Variants in YPEL2 observed in about 807,000 individuals in gnomAD.
The protein encoded by YPEL2 is yippee like 2.
In YPEL2, 2 loss-of-function variants were observed where a neutral mutation model predicts 19.1. The ratio of observed to expected loss-of-function variants is 0.10; its 90% CI spans 0.04 to 0.33. The LOEUF (loss-of-function observed/expected upper bound fraction) is 0.33, where lower values mean the gene tolerates loss of function less well. Ranked by LOEUF, YPEL2 falls within the 10% of genes least tolerant of loss-of-function variation. The pLI, the probability that YPEL2 is intolerant of heterozygous loss-of-function variation, is 1.00. For missense variants in YPEL2, 66 were observed against 140.7 expected (o/e 0.47, Z 2.68); for synonymous variants, 52 against 50.0 (o/e 1.04, Z -0.17).
intron 2 of YPEL2, among the ~76,000 whole-genome samples, chr17:59,373,762 T>C (rs1430971735): frequency 2.6e-5 from 4 of 152,222 alleles, no homozygotes; most frequent in African/African-American, 9.7e-5. Flanking sequence ...CAAAGCTGTT[T>C]TGCTCAGGAG....
chr17:59,383,687 A>G (rs1426241875), intron 2 of YPEL2, among the ~76,000 whole-genome samples: 1 of 126,164 alleles, frequency 7.9e-6, no homozygotes, highest in African/African-American at 2.9e-5. Flanking sequence ...CTTTTGTTAT[A>G]GGGCCTAAGA....
chr17:59,382,135 T>C (rs1016213064), intron 2 of YPEL2, among the ~76,000 whole-genome samples: 4 of 152,228 alleles, frequency 2.6e-5, no homozygotes, highest in Non-Finnish European at 5.9e-5. Context: ...TCCAGAACTC[T>C]GCCTCAAAAA....
In YPEL2 at chr17:59,353,479, A is replaced by T. The variant is rs1410834112; in HGVS notation, c.70A>T (p.Ile24Phe). The change falls in exon 2 of 5, where the codon ATT (isoleucine) becomes TTT (phenylalanine). Residue 24 changes from isoleucine (I) to phenylalanine (F), a missense_variant. By Grantham distance (21) the Ile-to-Phe change is conservative. Coordinates refer to ENST00000312655, the MANE Select transcript of YPEL2 (RefSeq NM_001005404.4). This position sits in a 1 kb window ranked among gnomAD's most constrained non-coding sequence, Gnocchi z 4.8. ...LPSCHRTYSC[I>F]HCRAHLANHD... ...CTCCTGCCACCGGACCTACAGCTGC[A>T]TTCACTGCAGAGCTCACTTGGCCAA... The T allele has an allele frequency of 6.2e-7, 1 of 1,613,968 alleles. No homozygotes were observed. Among genetic ancestry groups the T allele is most frequent in the African/African-American group, 1.3e-5 (1 of 74,940 alleles).
At chr17:59,364,700 C>T (rs1567745243) in intron 2 of YPEL2, among the ~76,000 whole-genome samples, 1 of 151,628 alleles carries the variant, frequency 6.6e-6, no homozygotes, top group African/African-American at 2.4e-5. Flanking sequence ...TCACTGCAAC[C>T]TCCACCTCCC....
At chr17:59,333,626 C>T (rs73323175) in intron 1 of YPEL2, among the ~76,000 whole-genome samples, 2,631 of 151,970 alleles carry the variant, frequency 0.017, 100 homozygotes, top group African/African-American at 0.06. Context: ...TTTTCTACTT[C>T]ATTTAAAAAA....
intron 2 of YPEL2, among the ~76,000 whole-genome samples, chr17:59,371,837 A>G (rs1427683782): frequency 6.6e-6 from 1 of 152,168 alleles, no homozygotes; most frequent in African/African-American, 2.4e-5. Flanking sequence ...TACCTTTCTA[A>G]AGTGATAAAT....
At chr17:59,365,069 A>G (rs962542419) in intron 2 of YPEL2, among the ~76,000 whole-genome samples, 71 of 152,208 alleles carry the variant, frequency 4.7e-4, no homozygotes, top group Non-Finnish European at 1.8e-4. Context: ...TAAGTGCTCA[A>G]TAAATGTTGG....
chr17:59,369,873 C>T (rs1191767085), intron 2 of YPEL2, among the ~76,000 whole-genome samples: 2 of 152,188 alleles, frequency 1.3e-5, no homozygotes, highest in Non-Finnish European at 2.9e-5. Context: ...CATCATTTTA[C>T]TGGGTGTCTA....
At chr17:59,333,033 CAAG>C (rs966407544) in intron 1 of YPEL2, among the ~76,000 whole-genome samples, 1 of 152,214 alleles carries the variant, frequency 6.6e-6, no homozygotes, top group African/African-American at 2.4e-5. Flanking sequence ...ATTAAAGATG[CAAG>C]AAGTTCAGTA....
At chr17:59,390,306 A>G (rs960326576) in intron 4 of YPEL2, among the ~76,000 whole-genome samples, 2 of 152,076 alleles carry the variant, frequency 1.3e-5, no homozygotes, top group Non-Finnish European at 2.9e-5. Flanking sequence ...CTGGCCAACA[A>G]ATTTATTTCT....
chr17:59,349,810 G>A lies in YPEL2; in HGVS notation c.-195-3405G>A, dbSNP rs947190739. On this transcript the variant is annotated intron_variant, in intron 1 of 4. Transcript: ENST00000312655. ...TGAGTAGCTGGGACTACAGGCACAC[G>A]CCACCATGCCCGGCTAATTTTTGTA... is the stretch of plus-strand genomic sequence containing the variant. 5.3e-5 allele frequency among the ~76,000 whole-genome samples: 8 copies of A among 152,052 alleles called. No homozygotes were observed. In the South Asian group the frequency reaches 6.2e-4, roughly 12 times the overall value.
intron 1 of YPEL2, among the ~76,000 whole-genome samples, chr17:59,335,375 C>T (rs939377689): frequency 6.6e-6 from 1 of 152,146 alleles, no homozygotes; most frequent in African/African-American, 2.4e-5. Context: ...GTAGGCACCA[C>T]ACGGCTTGTC....
chr17:59,363,759 A>C (rs2047853922), intron 2 of YPEL2, among the ~76,000 whole-genome samples: 1 of 152,256 alleles, frequency 6.6e-6, no homozygotes, highest in Non-Finnish European at 1.5e-5. Flanking sequence ...AGATGGGTTC[A>C]GATTCAGATC....
At chr17:59,359,651 A>G (rs1231384642) in intron 2 of YPEL2, among the ~76,000 whole-genome samples, 2 of 152,254 alleles carry the variant, frequency 1.3e-5, no homozygotes, top group African/African-American at 2.4e-5. Flanking sequence ...TTCAGTGGAT[A>G]TATGACATAA....
chr17:59,380,272 CTTTTTTTTT>C (rs548409762), intron 2 of YPEL2, among the ~76,000 whole-genome samples: 2 of 106,426 alleles, frequency 1.9e-5, no homozygotes, highest in Non-Finnish European at 3.6e-5. Context: ...TATCTAACTT[CTTTTTTTTT>C]TTTTTTTTTT....
chr17:59,348,409 C>G (rs1055502217), intron 1 of YPEL2, among the ~76,000 whole-genome samples: 5 of 152,222 alleles, frequency 3.3e-5, no homozygotes, highest in Admixed American at 6.5e-5. Context: ...CCCCTCCATC[C>G]TGGTGGCACT....
intron 1 of YPEL2, among the ~76,000 whole-genome samples, chr17:59,332,614 T>C (rs561750306): frequency 6.6e-6 from 1 of 151,696 alleles, no homozygotes; most frequent in African/African-American, 2.4e-5. Flanking sequence ...TCTCCGGTCT[T>C]GGGGGCGTGC....
At chr17:59,376,027 A>C (rs1283643621) in intron 2 of YPEL2, among the ~76,000 whole-genome samples, 1 of 152,186 alleles carries the variant, frequency 6.6e-6, no homozygotes, top group Non-Finnish European at 1.5e-5. Context: ...TGGAGGTTTT[A>C]TCAGTTCACA....
chr17:59,369,459 C>T (rs1487450112), intron 2 of YPEL2, among the ~76,000 whole-genome samples: 1 of 152,096 alleles, frequency 6.6e-6, no homozygotes, highest in Non-Finnish European at 1.5e-5. Flanking sequence ...CCCTGATGGC[C>T]GAGGGAAGCA....
Sources: gnomAD v4.1 joint callset for allele counts (sites outside exome capture counted in the v4.1 genomes callset) on GRCh38, gnomAD v4.1.1 for gene constraint, Gnocchi (gnomAD v3.1) non-coding constraint, MANE v1.5 for transcripts, NCBI Gene and HGNC (gene_info 2026-07-23, HGNC 2026-07-21) for gene names.